PAGE2B: variants seen among roughly 807,000 people sequenced by gnomAD.
PAGE2B encodes putative G antigen family E member 3.
In PAGE2B, 5 loss-of-function variants were observed where a neutral mutation model predicts 7.6. The ratio of observed to expected loss-of-function variants is 0.66; its 90% confidence interval spans 0.34 to 1.38. PAGE2B has a LOEUF of 1.38. Among genes scored for constraint, PAGE2B ranks in the 40% most tolerant of loss-of-function variants. PAGE2B has a pLI of 0.04. For missense variants in PAGE2B, 70 were observed against 78.4 expected (o/e 0.89, Z 0.41); for synonymous variants, 29 against 26.7 (o/e 1.09, Z -0.27).
the PAGE2B span, among the ~76,000 whole-genome samples, chrX:55,035,694 A>G: frequency 3.6e-5 from 4 of 112,230 alleles, no homozygotes; most frequent in Admixed American, 2.8e-4. Context: ...TAACTGTGTG[A>G]ACTTTGGGAG....
At chrX:55,048,087 G>C in the PAGE2B span, among the ~76,000 whole-genome samples, 1 of 111,788 alleles carries the variant, frequency 8.9e-6, no homozygotes, top group African/African-American at 3.3e-5. Flanking sequence ...TTTCCCCATT[G>C]CTTGTTTTTC....
the PAGE2B span, among the ~76,000 whole-genome samples, chrX:55,034,594 C>A: frequency 5.9e-4 from 64 of 109,168 alleles, no homozygotes; most frequent in Non-Finnish European, 9.9e-4. Flanking sequence ...ATAATTAGAG[C>A]TAAAATGTTC....
At chrX:55,057,315 A>G in the PAGE2B span, among the ~76,000 whole-genome samples, 1 of 112,305 alleles carries the variant, frequency 8.9e-6, no homozygotes, top group African/African-American at 3.2e-5. Context: ...GTGAGATAAA[A>G]GCAAAATTGC....
At chrX:55,036,474 C>T in the PAGE2B span, among the ~76,000 whole-genome samples, 285 of 111,072 alleles carry the variant, frequency 2.6e-3, 1 homozygote, top group African/African-American at 9.1e-3. Flanking sequence ...AGATACATCC[C>T]ATCAATACCT....
chrX:55,043,757 C>T, the PAGE2B span, among the ~76,000 whole-genome samples: 2 of 110,133 alleles, frequency 1.8e-5, no homozygotes, highest in Admixed American at 9.7e-5. Context: ...CACCTGAGGT[C>T]GGCAGTTTGA....
rs1207009567 is a variant in PAGE2B at position 55,076,034 on chromosome X, T to C, written c.-8T>C. On this transcript the variant is annotated splice_region_variant and 5_prime_UTR_variant, in exon 2 of 5. Coordinates refer to ENST00000374971, the MANE Select transcript of PAGE2B (RefSeq NM_001015038.3). ...CCAAATAACAGTATTCTATTTTCAG[T>C]GGGAAATATGAGTGAGCATGTGAGA... is the stretch of plus-strand genomic sequence containing the variant. 8.3e-7 allele frequency: 1 copy of C among 1,201,917 alleles called. No homozygotes were observed. The highest frequency in any genetic ancestry group is 1.1e-6 in the Non-Finnish European group (1 of 888,582).
chrX:55,029,862 C>A, the PAGE2B span, among the ~76,000 whole-genome samples: 2 of 111,322 alleles, frequency 1.8e-5, no homozygotes, highest in Admixed American at 1.9e-4. Flanking sequence ...TGTCAGCACC[C>A]AATCTGTACT....
the PAGE2B span, among the ~76,000 whole-genome samples, chrX:55,050,744 G>A: frequency 9.0e-6 from 1 of 111,638 alleles, no homozygotes; most frequent in African/African-American, 3.3e-5. Flanking sequence ...CACACTGACA[G>A]GTCTTGGCTC....
chrX:55,047,208 T>C, the PAGE2B span, among the ~76,000 whole-genome samples: 2 of 110,713 alleles, frequency 1.8e-5, no homozygotes, highest in African/African-American at 6.6e-5. Context: ...GATAGTTTGC[T>C]GAGAATGATG....
At chrX:55,077,248 A>G (rs775388310) in intron 3 of PAGE2B, 151 bp from the exon 4 acceptor site, 65 of 1,010,064 alleles carry the variant, frequency 6.4e-5, no homozygotes, top group Admixed American at 2.2e-4. Flanking sequence ...ATGTTTGAAC[A>G]TCTCTGCTTT....
intron 2 of PAGE2B, 73 bp downstream of exon 2, chrX:55,076,198 C>T (rs1032419780): frequency 1.8e-5 from 19 of 1,059,483 alleles, no homozygotes; most frequent in African/African-American, 7.6e-5. Flanking sequence ...CTAGTGTACA[C>T]GCACTGATAC....
chrX:55,030,577 C>T, the PAGE2B span, among the ~76,000 whole-genome samples: 55 of 108,995 alleles, frequency 5.0e-4, no homozygotes, highest in Non-Finnish European at 8.2e-4. Context: ...AACACAGAGA[C>T]GGAGAGATAC....
chrX:55,038,885 A>G, the PAGE2B span, among the ~76,000 whole-genome samples: 2 of 112,142 alleles, frequency 1.8e-5, no homozygotes, highest in Non-Finnish European at 3.8e-5. Context: ...CAAATCTCTG[A>G]GATTAAAACT....
At chrX:55,074,966 G>C (rs73490466), upstream of PAGE2B, 7,856 of 113,485 alleles carry the variant, frequency 0.069, 616 homozygotes, top group African/African-American at 0.23. Context: ...TGCTGCACTT[G>C]TCTGTTGTTA....
the PAGE2B span, among the ~76,000 whole-genome samples, chrX:55,047,339 T>C: frequency 8.9e-6 from 1 of 111,984 alleles, no homozygotes; most frequent in East Asian, 2.8e-4. Flanking sequence ...TGTTGGACAT[T>C]TGGGTTGGTT....
At chrX:55,037,027 C>T in the PAGE2B span, among the ~76,000 whole-genome samples, 1 of 111,289 alleles carries the variant, frequency 9.0e-6, no homozygotes, top group Non-Finnish European at 1.9e-5. Flanking sequence ...AAAGCAATGG[C>T]AACAAAAGCC....
Position 55,076,079 on chromosome X carries a change from A to G in PAGE2B, c.38A>G (p.Glu13Gly), listed in dbSNP as rs1331621774. The G allele has an allele frequency of 8.3e-7, 1 of 1,210,504 alleles. No homozygotes were observed. Among genetic ancestry groups the G allele is most frequent in the Admixed American group, 2.2e-5 (1 of 45,982 alleles). ...GTGAGAACAAGATCCCAATCCTCAGAAAGAGGAAATGACCAAGAGTCTTCC... is the reference window on the plus strand; with the variant it reads ...GTGAGAACAAGATCCCAATCCTCAGGAAGAGGAAATGACCAAGAGTCTTCC... ...EHVRTRSQSSERGNDQESSQP... is the reference protein window; with the variant it reads ...EHVRTRSQSSGRGNDQESSQP... The change falls in exon 2 of 5, where the codon GAA becomes GGA. Residue 13 changes from glutamate (E) to glycine (G), a missense_variant. Physicochemically the swap from Glu to Gly is moderately conservative, Grantham distance 98. Coordinates refer to ENST00000374971, the MANE Select transcript of PAGE2B (RefSeq NM_001015038.3).
rs4520303 is a variant in PAGE2B at position 55,077,334 on chromosome X, T to C, written c.194-65T>C. 4.2e-4 allele frequency: 501 copies of C among 1,186,940 alleles called. 1 individual carries two copies. The highest frequency in any genetic ancestry group is 4.1e-4 in the Non-Finnish European group (365 of 884,179). ...CTTCATAATGATGAGGGAATAAATATTATCATTTCCTTGTTCATAGTTCAT... is the reference window on the plus strand; with the variant it reads ...CTTCATAATGATGAGGGAATAAATACTATCATTTCCTTGTTCATAGTTCAT... On this transcript the variant is annotated intron_variant, in intron 3 of 4. Coordinates refer to ENST00000374971, the MANE Select transcript of PAGE2B (RefSeq NM_001015038.3).
chrX:55,067,485 G>A, the PAGE2B span, among the ~76,000 whole-genome samples: 1 of 111,648 alleles, frequency 9.0e-6, no homozygotes, highest in South Asian at 3.8e-4. Flanking sequence ...CCAAGTCTTT[G>A]CTATTGTGAA....
Sources: gnomAD v4.1 joint callset for allele counts (sites outside exome capture counted in the v4.1 genomes callset) on GRCh38, gnomAD v4.1.1 for gene constraint, MANE v1.5 for transcripts, NCBI Gene and HGNC (gene_info 2026-07-23, HGNC 2026-07-21) for gene names.